TBC1D19: variants seen among roughly 807,000 people sequenced by gnomAD.
The protein encoded by TBC1D19 is TBC1 domain family member 19, also known as TBC1 domain family, member 19.
A neutral mutation model predicts 89.0 loss-of-function variants in TBC1D19; 60 were observed. The ratio of observed to expected loss-of-function variants is 0.67; its 90% CI spans 0.55 to 0.84. The LOEUF is 0.84. TBC1D19 is among the 40% of genes least tolerant of loss of function. TBC1D19 has a pLI of 0.00. For synonymous variants in TBC1D19, 189 were observed against 199.7 expected (o/e 0.95, Z 0.45); for missense variants, 500 against 610.8 (o/e 0.82, Z 1.91).
At chr4:26,640,276 A>G (rs1422917193) in intron 7 of TBC1D19, 89 bp downstream of exon 7, 3 of 1,112,206 alleles carry the variant, frequency 2.7e-6, no homozygotes, top group Non-Finnish European at 4.0e-6. Context: ...CAGAGGGATT[A>G]GCATGTAAAA....
At chr4:26,783,242 G>A in the TBC1D19 span, among the ~76,000 whole-genome samples, 7 of 152,180 alleles carry the variant, frequency 4.6e-5, no homozygotes, top group African/African-American at 1.2e-4. Flanking sequence ...CTGGTGTCAC[G>A]TGAAGGTCAG....
At chr4:26,841,403 AG>A in the TBC1D19 span, among the ~76,000 whole-genome samples, 1 of 133,684 alleles carries the variant, frequency 7.5e-6, no homozygotes, top group Admixed American at 7.4e-5. Flanking sequence ...AAAAAAAAAA[AG>A]TGTATGACTT....
intron 7 of TBC1D19, among the ~76,000 whole-genome samples, chr4:26,654,095 C>G (rs1744609769): frequency 1.3e-5 from 2 of 152,148 alleles, no homozygotes; most frequent in Non-Finnish European, 2.9e-5. Flanking sequence ...TCAGCATTTG[C>G]TTGTATGTAA....
chr4:26,696,658 C>T (rs1714812686), intron 13 of TBC1D19, among the ~76,000 whole-genome samples: 2 of 152,208 alleles, frequency 1.3e-5, no homozygotes, highest in African/African-American at 4.8e-5. Flanking sequence ...AACAAACTGT[C>T]TCTCAGACCA....
intron 18 of TBC1D19, among the ~76,000 whole-genome samples, chr4:26,744,742 T>C (rs1353908336): frequency 6.6e-6 from 1 of 152,120 alleles, no homozygotes. Context: ...ATGCTTCACA[T>C]GATTTCAGTT....
the TBC1D19 span, among the ~76,000 whole-genome samples, chr4:26,838,448 A>C: frequency 1.3e-5 from 2 of 152,228 alleles, no homozygotes; most frequent in African/African-American, 2.4e-5. Flanking sequence ...ATATGACTTC[A>C]TGAAAAACGG....
chr4:26,735,503 A>G lies in TBC1D19; in HGVS notation c.1117+16A>G. The G allele has an allele frequency of 4.5e-6, 7 of 1,558,250 alleles. No homozygotes were observed. The highest frequency in any genetic ancestry group is 6.1e-6 in the Non-Finnish European group (7 of 1,145,694). On this transcript the variant is annotated intron_variant, in intron 16 of 20. Coordinates refer to ENST00000264866, the MANE Select transcript of TBC1D19 (RefSeq NM_018317.4). The stretch of plus-strand genomic sequence containing the variant: ...TCAATGTATGGTAAGTTGGGCTTTA[A>G]AAACATCATAATGTACACAAAACAT...
At chr4:26,602,541 T>G (rs1312680038) in intron 1 of TBC1D19, among the ~76,000 whole-genome samples, 2 of 149,472 alleles carry the variant, frequency 1.3e-5, no homozygotes, top group Non-Finnish European at 3.0e-5. Context: ...TCCGGGTTCA[T>G]GCCAGTCTCC....
At chr4:26,732,586 G>A (rs1717733725) in intron 15 of TBC1D19, among the ~76,000 whole-genome samples, 1 of 152,150 alleles carries the variant, frequency 6.6e-6, no homozygotes, top group African/African-American at 2.4e-5. Context: ...CCGAAGCAGG[G>A]TTTGGCAGAC....
At chr4:26,781,277 T>C in the TBC1D19 span, among the ~76,000 whole-genome samples, 1 of 152,182 alleles carries the variant, frequency 6.6e-6, no homozygotes, top group South Asian at 2.1e-4. Flanking sequence ...TAAATCAGGT[T>C]GAATTGGGGT....
chr4:26,741,641 T>A (rs75142668), intron 17 of TBC1D19, among the ~76,000 whole-genome samples: 1 of 151,788 alleles, frequency 6.6e-6, no homozygotes, highest in African/African-American at 2.4e-5. Context: ...TTTTTTTTTT[T>A]TATTCAGAGG....
the TBC1D19 span, among the ~76,000 whole-genome samples, chr4:26,829,537 G>C: frequency 6.6e-6 from 1 of 152,132 alleles, no homozygotes; most frequent in African/African-American, 2.4e-5. Context: ...GTAGGTGTTA[G>C]GGAGGAAAGG....
At chr4:26,640,723 A>C (rs1390813949) in intron 7 of TBC1D19, among the ~76,000 whole-genome samples, 1 of 152,190 alleles carries the variant, frequency 6.6e-6, no homozygotes, top group African/African-American at 2.4e-5. Flanking sequence ...ATTTTCCAAC[A>C]GTCTTAGCAA....
chr4:26,817,705 CACTTGT>C, the TBC1D19 span, among the ~76,000 whole-genome samples: 3 of 152,042 alleles, frequency 2.0e-5, no homozygotes, highest in Non-Finnish European at 4.4e-5. Context: ...TGGTGGCATA[CACTTGT>C]AATCCCAGCA....
chr4:26,803,846 G>C, the TBC1D19 span, among the ~76,000 whole-genome samples: 1 of 144,378 alleles, frequency 6.9e-6, no homozygotes, highest in Non-Finnish European at 1.5e-5. Flanking sequence ...TTGCATTTTT[G>C]ATTTTGCAGG....
chr4:26,734,905 TAC>T (rs1560503604), intron 15 of TBC1D19, among the ~76,000 whole-genome samples: 1 of 151,690 alleles, frequency 6.6e-6, no homozygotes, highest in South Asian at 2.1e-4. Flanking sequence ...TGTGTATATA[TAC>T]ACACATGTGT....
At chr4:26,653,247 T>A (rs931825523) in intron 7 of TBC1D19, among the ~76,000 whole-genome samples, 2 of 152,184 alleles carry the variant, frequency 1.3e-5, no homozygotes, top group African/African-American at 4.8e-5. Flanking sequence ...TTGTTATGAT[T>A]TCTGTTCTTT....
chr4:26,750,547 GAAGGAA>G (rs1718893464), intron 19 of TBC1D19, among the ~76,000 whole-genome samples: 2 of 152,132 alleles, frequency 1.3e-5, no homozygotes, highest in Non-Finnish European at 2.9e-5. Flanking sequence ...TTAGCAAACT[GAAGGAA>G]AAGAGAAATA....
At chr4:26,766,451 A>G in the TBC1D19 span, among the ~76,000 whole-genome samples, 2 of 152,202 alleles carry the variant, frequency 1.3e-5, no homozygotes, top group Non-Finnish European at 2.9e-5. Flanking sequence ...TCTCTTACCA[A>G]TATAAATACG....
Sources: allele counts gnomAD v4.1 joint callset (sites outside exome capture counted in the v4.1 genomes callset), GRCh38; gene constraint gnomAD v4.1.1; transcripts MANE v1.5; gene names NCBI Gene and HGNC (gene_info 2026-07-23, HGNC 2026-07-21).